Variants in ZNF423 observed in about 807,000 individuals in gnomAD.
The protein encoded by ZNF423 is zinc finger protein 423.
A neutral mutation model predicts 95.8 loss-of-function variants in ZNF423; 12 were observed. The observed-to-expected ratio is 0.13, with a 90% CI of 0.08 to 0.20. The LOEUF (loss-of-function observed/expected upper bound fraction) is 0.20, where lower values mean the gene tolerates loss of function less well. Among genes scored for constraint, ZNF423 ranks in the 10% least tolerant of loss-of-function variants. The pLI is 1.00. For missense variants in ZNF423, 1,316 were observed against 1,737.1 expected (o/e 0.76, Z 4.31); for synonymous variants, 749 against 711.9 (o/e 1.05, Z -0.83).
intron 2 of ZNF423, among the ~76,000 whole-genome samples, chr16:49,751,071 C>A (rs2033625482): frequency 6.6e-6 from 1 of 152,212 alleles, no homozygotes; most frequent in African/African-American, 2.4e-5. Context: ...GGGAGAGCCC[C>A]TCAAGCGGCC....
chr16:49,541,676 C>T (rs976608206), intron 5 of ZNF423, among the ~76,000 whole-genome samples: 6 of 152,198 alleles, frequency 3.9e-5, no homozygotes, highest in African/African-American at 1.4e-4. Flanking sequence ...ATAACACCCA[C>T]CTGTCAAGGG....
At chr16:49,786,824 G>A (rs1461055221) in intron 2 of ZNF423, among the ~76,000 whole-genome samples, 1 of 152,236 alleles carries the variant, frequency 6.6e-6, no homozygotes, top group Non-Finnish European at 1.5e-5. Context: ...TGCCAAGGAT[G>A]GCCTGGGAGG....
upstream of ZNF423, among the ~76,000 whole-genome samples, chr16:49,857,380 C>T (rs2035383136): frequency 6.6e-6 from 1 of 151,270 alleles, no homozygotes; most frequent in Admixed American, 6.6e-5. The surrounding 1 kb of genome is among the most constrained non-coding windows in gnomAD (Gnocchi z 6.2). Context: ...GGGGCTCGGG[C>T]GCTGGCTGCA....
At chr16:49,543,448 G>A (rs979117749) in intron 5 of ZNF423, among the ~76,000 whole-genome samples, 5 of 152,152 alleles carry the variant, frequency 3.3e-5, no homozygotes, top group Non-Finnish European at 2.9e-5. Flanking sequence ...TCAATTCAGC[G>A]CTCCAGAGGC....
At chr16:49,564,341 A>G (rs1970115468) in intron 5 of ZNF423, among the ~76,000 whole-genome samples, 1 of 152,140 alleles carries the variant, frequency 6.6e-6, no homozygotes, top group Admixed American at 6.5e-5. Flanking sequence ...ATATTTCCAG[A>G]TCTCTCTTTT....
At chr16:49,686,312 C>T (rs564465888) in intron 3 of ZNF423, among the ~76,000 whole-genome samples, 5 of 152,300 alleles carry the variant, frequency 3.3e-5, no homozygotes, top group South Asian at 4.2e-4. Flanking sequence ...AGGCCAGCCT[C>T]GCAACCTTCC....
chr16:49,621,554 G>T (rs1202455567), intron 5 of ZNF423, among the ~76,000 whole-genome samples: 1 of 152,164 alleles, frequency 6.6e-6, no homozygotes, highest in African/African-American at 2.4e-5. Context: ...TCCCAGGGGA[G>T]GCCTGCCTCA....
chr16:49,568,596 C>CT (rs1389733345), intron 5 of ZNF423, among the ~76,000 whole-genome samples: 4 of 152,172 alleles, frequency 2.6e-5, no homozygotes, highest in Non-Finnish European at 5.9e-5. Context: ...GTCTGTCTCC[C>CT]TTCCTGCCTC....
chr16:49,548,930 T>A (rs981388557), intron 5 of ZNF423, among the ~76,000 whole-genome samples: 1 of 152,240 alleles, frequency 6.6e-6, no homozygotes, highest in Non-Finnish European at 1.5e-5. Flanking sequence ...GCAACACTGG[T>A]CTGACCAGGC....
At chr16:49,653,098 C>G (rs1413377843) in intron 3 of ZNF423, among the ~76,000 whole-genome samples, 1 of 152,082 alleles carries the variant, frequency 6.6e-6, no homozygotes, top group South Asian at 2.1e-4. Context: ...ATATTTAACG[C>G]GGCATTGGAT....
intron 1 of ZNF423, among the ~76,000 whole-genome samples, chr16:49,797,344 A>G (rs1222664570): frequency 2.6e-5 from 4 of 152,168 alleles, no homozygotes; most frequent in Admixed American, 1.3e-4. Flanking sequence ...CACTCTGTCT[A>G]CCCAGCACTG....
At chr16:49,776,653 G>A (rs1190350233) in intron 2 of ZNF423, among the ~76,000 whole-genome samples, 1 of 152,200 alleles carries the variant, frequency 6.6e-6, no homozygotes, top group Admixed American at 6.5e-5. Flanking sequence ...CAAGTTGGGG[G>A]TTGCGGGGCG....
rs185534524 is a variant in ZNF423 at position 49,609,874 on chromosome 16, C to T, written c.3601+16296G>A. Among the ~76,000 whole-genome samples the T allele has an allele frequency of 3.3e-5, 5 of 152,156 alleles. No individual in the cohort carries two copies. In the East Asian group the frequency reaches 9.7e-4, roughly 29 times the overall value. ...GGAATAAACACAAGGAAATCCACAC[C>T]AAGACAAATCATATTCCAACTCCTG... On this transcript the variant is annotated intron_variant, in intron 5 of 7. Transcript: ENST00000563137.
At chr16:49,730,385 G>A (rs2033133024) in intron 3 of ZNF423, among the ~76,000 whole-genome samples, 1 of 152,158 alleles carries the variant, frequency 6.6e-6, no homozygotes, top group African/African-American at 2.4e-5. Flanking sequence ...CTCTGCCTCG[G>A]AGCTTACTCC....
chr16:49,557,070 C>T (rs952899795), intron 5 of ZNF423, among the ~76,000 whole-genome samples: 2 of 152,222 alleles, frequency 1.3e-5, no homozygotes, highest in African/African-American at 2.4e-5. Context: ...CGCTGTCACA[C>T]AAGGCGGGCC....
chr16:49,548,833 C>T (rs1969531114), intron 5 of ZNF423, among the ~76,000 whole-genome samples: 1 of 152,208 alleles, frequency 6.6e-6, no homozygotes, highest in Non-Finnish European at 1.5e-5. Context: ...ACACTCCTGC[C>T]CCTGGCCAGA....
intron 3 of ZNF423, among the ~76,000 whole-genome samples, chr16:49,692,426 G>A (rs1466346468): frequency 6.6e-6 from 1 of 152,150 alleles, no homozygotes; most frequent in Admixed American, 6.5e-5. Flanking sequence ...AAAAACCAGA[G>A]TGAAGCCAGG....
intron 5 of ZNF423, among the ~76,000 whole-genome samples, chr16:49,579,793 T>C (rs1970610256): frequency 1.3e-5 from 2 of 152,158 alleles, no homozygotes; most frequent in South Asian, 4.1e-4. Flanking sequence ...TCCTGCGAGA[T>C]GACCTCTCCC....
chr16:49,614,247 A>G (rs1270803644), intron 5 of ZNF423, among the ~76,000 whole-genome samples: 4 of 152,246 alleles, frequency 2.6e-5, no homozygotes, highest in Non-Finnish European at 4.4e-5. Context: ...GCACAATGAG[A>G]TATCACAATG....
Sources: gnomAD v4.1 joint callset for allele counts (sites outside exome capture counted in the v4.1 genomes callset) on GRCh38, gnomAD v4.1.1 for gene constraint, Gnocchi (gnomAD v3.1) non-coding constraint, MANE v1.5 for transcripts, NCBI Gene and HGNC (gene_info 2026-07-23, HGNC 2026-07-21) for gene names.